MECOM: variants seen among roughly 807,000 people sequenced by gnomAD.
MECOM encodes histone-lysine N-methyltransferase MECOM.
MECOM carries 13 observed loss-of-function variants against 116.3 expected under a neutral mutation model. The observed-to-expected ratio is 0.11, with a 90% CI of 0.07 to 0.18. MECOM has a LOEUF of 0.18. MECOM is among the 10% of genes least tolerant of loss of function. The pLI, the probability that MECOM is intolerant of heterozygous loss-of-function variation, is 1.00. For synonymous variants in MECOM, 528 were observed against 535.2 expected, an observed-to-expected ratio of 0.99 and a Z score of 0.19; for missense variants, 1,299 against 1,509.0, an observed-to-expected ratio of 0.86 and a Z score of 2.31.
chr3:169,287,264 C>A (rs1315190174), intron 2 of MECOM, among the ~76,000 whole-genome samples: 2 of 152,220 alleles, frequency 1.3e-5, no homozygotes, highest in Admixed American at 1.3e-4. Flanking sequence ...GACTGCCAGG[C>A]TTATCTGCTC....
chr3:169,524,862 T>C (rs1434918249), intron 1 of MECOM, among the ~76,000 whole-genome samples: 10 of 152,084 alleles, frequency 6.6e-5, no homozygotes, highest in Admixed American at 6.5e-4. Context: ...GTATCAGAAA[T>C]AAAATGTTAA....
chr3:169,374,162 T>C lies in MECOM; in HGVS notation c.375+7025A>G, dbSNP rs9843716. 8.3e-3 allele frequency among the ~76,000 whole-genome samples: 1,259 copies of C among 151,676 alleles called. 15 individuals carry two copies. The highest frequency in any genetic ancestry group is 0.029 in the African/African-American group (1,210 of 41,404). On this transcript the variant is annotated intron_variant, in intron 2 of 16. Transcript: ENST00000651503. ...CTCCCTCTCTCTCTCTCTCTCCACC[T>C]GCCCCAACCCTCTCTCTGCTTATGC... is the stretch of plus-strand genomic sequence containing the variant.
At chr3:169,504,266 A>C (rs1203993996) in intron 1 of MECOM, among the ~76,000 whole-genome samples, 1 of 147,978 alleles carries the variant, frequency 6.8e-6, no homozygotes, top group African/African-American at 2.5e-5. Context: ...GGAATGTGGG[A>C]GGTGGTTCAA....
intron 1 of MECOM, among the ~76,000 whole-genome samples, chr3:169,547,044 G>A (rs992849256): frequency 6.6e-6 from 1 of 152,210 alleles, no homozygotes; most frequent in Non-Finnish European, 1.5e-5. Context: ...CATGCTACCT[G>A]ATATAGTTTG....
intron 2 of MECOM, among the ~76,000 whole-genome samples, chr3:169,174,181 T>G (rs1744826420): frequency 6.6e-6 from 1 of 152,214 alleles, no homozygotes; most frequent in Non-Finnish European, 1.5e-5. Context: ...GTCTACGTAT[T>G]ATTTTTAAAT....
chr3:169,099,048 G>A (rs1366102579), intron 12 of MECOM, among the ~76,000 whole-genome samples: 1 of 150,336 alleles, frequency 6.7e-6, no homozygotes, highest in Non-Finnish European at 1.5e-5. Flanking sequence ...TATTATTGTG[G>A]TGTCCTACTT....
At chr3:169,306,639 C>T in intron 2 of MECOM, among the ~76,000 whole-genome samples, 1 of 152,186 alleles carries the variant, frequency 6.6e-6, no homozygotes, top group South Asian at 2.1e-4. Flanking sequence ...AGAGATCATG[C>T]CATTGCACTC....
chr3:169,638,247 C>G (rs1210813508), intron 1 of MECOM, among the ~76,000 whole-genome samples: 2 of 152,278 alleles, frequency 1.3e-5, no homozygotes, highest in East Asian at 1.9e-4. Context: ...AAAACCACCT[C>G]CCTCCTAACT....
At chr3:169,512,518 G>A (rs1048691780) in intron 1 of MECOM, among the ~76,000 whole-genome samples, 7 of 152,116 alleles carry the variant, frequency 4.6e-5, no homozygotes, top group Non-Finnish European at 1.0e-4. Context: ...AAGAAACACC[G>A]TTCTCCTCAT....
intron 2 of MECOM, among the ~76,000 whole-genome samples, chr3:169,205,429 T>G (rs1280691079): frequency 6.6e-6 from 1 of 152,214 alleles, no homozygotes; most frequent in Admixed American, 6.5e-5. Context: ...TACAGAATAC[T>G]AATTTGAAAA....
intron 2 of MECOM, among the ~76,000 whole-genome samples, chr3:169,293,392 T>G (rs1714985000): frequency 6.6e-6 from 1 of 152,260 alleles, no homozygotes; most frequent in Non-Finnish European, 1.5e-5. Flanking sequence ...TCATTCGCAC[T>G]AGCCTCGTGT....
intron 1 of MECOM, among the ~76,000 whole-genome samples, chr3:169,508,921 G>A (rs532000084): frequency 6.6e-6 from 1 of 152,062 alleles, no homozygotes; most frequent in Non-Finnish European, 1.5e-5. Flanking sequence ...TAAGTGTGAC[G>A]CTATAGTCAT....
chr3:169,244,264 T>C (rs959197076), intron 2 of MECOM, among the ~76,000 whole-genome samples: 1 of 152,162 alleles, frequency 6.6e-6, no homozygotes, highest in African/African-American at 2.4e-5. Flanking sequence ...TCTGGAGTAA[T>C]AGATTAATTT....
At chr3:169,660,183 C>CA (rs1312145815) in intron 1 of MECOM, among the ~76,000 whole-genome samples, 2 of 152,154 alleles carry the variant, frequency 1.3e-5, no homozygotes, top group Non-Finnish European at 2.9e-5. Flanking sequence ...CCTAGCTGCC[C>CA]AAGAAAACGG....
At chr3:169,553,950 C>G (rs867319058) in intron 1 of MECOM, among the ~76,000 whole-genome samples, 2 of 145,746 alleles carry the variant, frequency 1.4e-5, no homozygotes, top group African/African-American at 2.5e-5. Flanking sequence ...CTGGAGGTTA[C>G]GGCTTCAATA....
chr3:169,415,322 C>T (rs549737701), intron 1 of MECOM, among the ~76,000 whole-genome samples: 1 of 152,262 alleles, frequency 6.6e-6, no homozygotes, highest in Non-Finnish European at 1.5e-5. Flanking sequence ...CCTTTACAGA[C>T]AAGCAAATGT....
rs1735784079 is a variant in MECOM, at chr3:169,134,584, C to T, written c.511-3053G>A. On this transcript the variant is annotated intron_variant, in intron 3 of 16. Coordinates refer to ENST00000651503, the MANE Select transcript of MECOM (RefSeq NM_004991.4). ...TCCCCATATAGCAATAAGAATGTCC[C>T]TCGAAGTTCCATTTGCCATACCCTT... Among the ~76,000 whole-genome samples the T allele has an allele frequency of 2.6e-5, 4 of 152,162 alleles. No homozygotes were observed. In the South Asian group the frequency reaches 8.3e-4, roughly 32 times the overall value.
At chr3:169,114,096 TTA>T (rs1451603681) in intron 8 of MECOM, among the ~76,000 whole-genome samples, 2 of 152,076 alleles carry the variant, frequency 1.3e-5, no homozygotes, top group African/African-American at 4.8e-5. Flanking sequence ...GCCTGAAAAA[TTA>T]TCTTAACAAA....
intron 2 of MECOM, among the ~76,000 whole-genome samples, chr3:169,166,867 T>C (rs1017713815): frequency 3.3e-5 from 5 of 152,342 alleles, no homozygotes; most frequent in Admixed American, 6.5e-5. Context: ...ATTACAGCCG[T>C]AAGCCACTGC....
Sources: allele counts gnomAD v4.1 joint callset (sites outside exome capture counted in the v4.1 genomes callset), GRCh38; gene constraint gnomAD v4.1.1; transcripts MANE v1.5; gene names NCBI Gene and HGNC (gene_info 2026-07-23, HGNC 2026-07-21).